FAM83D: variants seen among roughly 807,000 people sequenced by gnomAD.
FAM83D encodes the protein protein FAM83D.
In FAM83D, 26 loss-of-function variants were observed where a neutral mutation model predicts 25.4. The ratio of observed to expected loss-of-function variants is 1.02; its 90% CI spans 0.75 to 1.42. The LOEUF is 1.42. FAM83D is among the 40% of genes most tolerant of loss of function. The pLI, the probability that FAM83D is intolerant of heterozygous loss-of-function variation, is 0.00. For synonymous variants in FAM83D, 310 were observed against 318.5 expected (o/e 0.97, Z 0.28); for missense variants, 740 against 758.1 (o/e 0.98, Z 0.28).
At chr20:38,948,152 C>A in intron 3 of FAM83D, 152 bp downstream of exon 3, 1 of 957,666 alleles carries the variant, frequency 1.0e-6, no homozygotes. Context: ...GTTATCAAAG[C>A]CTCCTGTTAG....
chr20:38,949,882 A>G (rs2145808654), intron 3 of FAM83D, among the ~76,000 whole-genome samples: 1 of 151,234 alleles, frequency 6.6e-6, no homozygotes, highest in African/African-American at 2.4e-5. Context: ...GCAGTGGACG[A>G]TCTCGGCTCA....
At chr20:38,948,073 C>T (rs141492022) in intron 3 of FAM83D, 73 bp downstream of exon 3, 3 of 1,558,974 alleles carry the variant, frequency 1.9e-6, no homozygotes, top group Non-Finnish European at 2.6e-6. Flanking sequence ...AAGGTAAAAG[C>T]CTTTTCCTCT....
intron 2 of FAM83D, among the ~76,000 whole-genome samples, chr20:38,944,971 TC>T (rs915900197): frequency 6.0e-5 from 9 of 151,214 alleles, no homozygotes; most frequent in Admixed American, 2.0e-4. Context: ...TTCTCTGGCC[TC>T]CCCAGTTTTT....
At position 38,942,100 on chromosome 20, in the gene FAM83D, C is replaced by A. The variant is rs1403568531; in HGVS notation, c.625C>A (p.Leu209Met). The change falls in exon 2 of 4, where the codon CTG becomes ATG. Residue 209 changes from leucine (L) to methionine (M), a missense_variant. Transcript: ENST00000619850. ...LSQFLDMCMD[L>M]KVHPEQEKLM... ...TCAATTTCTGGATATGTGCATGGATCTGAAAGTTCATCCTGAACAGGAAAA... is the reference window on the plus strand; with the variant it reads ...TCAATTTCTGGATATGTGCATGGATATGAAAGTTCATCCTGAACAGGAAAA... 1 of 1,614,218 alleles carries A rather than the reference C, an allele frequency of 6.2e-7. No homozygotes were observed.
intron 1 of FAM83D, among the ~76,000 whole-genome samples, chr20:38,927,388 G>A (rs988078592): frequency 1.3e-5 from 2 of 152,066 alleles, no homozygotes; most frequent in Non-Finnish European, 2.9e-5. Flanking sequence ...CAACTACGGG[G>A]CATTAGGAAG....
rs1208119343 is a variant in FAM83D at position 38,951,999 on chromosome 20, AT to A, written c.1238del (p.Ile413ThrfsTer16). 1.2e-6 allele frequency: 2 copies of A among 1,614,098 alleles called. No individual in the cohort carries two copies. The highest frequency in any genetic ancestry group is 1.7e-6 in the Non-Finnish European group (2 of 1,180,050). ...SVSEVGTQTS[I>X]TTACAGTQTA... ...GAGTGAGGTGGGAACACAAACCAGC[AT>A]CACCACAGCATGTGCTGGTACCCAG... On this transcript the variant is annotated frameshift_variant, in exon 4 of 4. Transcript: ENST00000619850. LOFTEE classifies it low-confidence loss of function (END_TRUNC).
chr20:38,940,738 C>A (rs2085698301), intron 1 of FAM83D, among the ~76,000 whole-genome samples: 4 of 152,104 alleles, frequency 2.6e-5, no homozygotes, highest in Admixed American at 2.0e-4. Flanking sequence ...TTGCTGAGGA[C>A]CTTGGTTTTA....
At chr20:38,927,446 A>C (rs1040305707) in intron 1 of FAM83D, among the ~76,000 whole-genome samples, 2 of 151,684 alleles carry the variant, frequency 1.3e-5, no homozygotes, top group African/African-American at 4.8e-5. Flanking sequence ...TGTAAAAAGC[A>C]GATAAACACG....
chr20:38,949,369 A>G (rs1290099368), intron 3 of FAM83D, among the ~76,000 whole-genome samples: 1 of 152,118 alleles, frequency 6.6e-6, no homozygotes, highest in Non-Finnish European at 1.5e-5. Context: ...CACGTTGGCC[A>G]GGATGGTCTC....
chr20:38,952,319 C>T lies in FAM83D; in HGVS notation c.1557C>T (p.Tyr519=), dbSNP rs2085759714. 1 of 1,614,028 alleles carries T rather than the reference C, an allele frequency of 6.2e-7. No individual in the cohort carries two copies. Among genetic ancestry groups the T allele is most frequent in the Non-Finnish European group, 8.5e-7 (1 of 1,180,046 alleles). The change falls in exon 4 of 4, where the codon TAC becomes TAT. Residue 519 remains tyrosine, a synonymous_variant. Transcript: ENST00000619850. The stretch of plus-strand genomic sequence containing the variant: ...TGGGCACCCCCCACCTGGAACTGTA[C>T]TTGAGTGACTCACTTAGAAACTTGA... ...KYLGTPHLEL[Y]LSDSLRNLNK... is the part of the protein sequence containing the mutation.
At chr20:38,945,199 C>T (rs2085721695) in intron 2 of FAM83D, among the ~76,000 whole-genome samples, 1 of 152,116 alleles carries the variant, frequency 6.6e-6, no homozygotes, top group Non-Finnish European at 1.5e-5. Context: ...GCCACGATCA[C>T]AGAGGCATAT....
chr20:38,926,564 CGGGCGGCCCCGAAG>C lies in FAM83D; in HGVS notation c.123_136del (p.Gly42LeufsTer18). 6.4e-7 allele frequency: 1 copy of C among 1,566,510 alleles called. No homozygotes were observed. Among genetic ancestry groups the C allele is most frequent in the Non-Finnish European group, 8.6e-7 (1 of 1,163,358 alleles). ...CGCCTGGCTCTGGAGGAGCTGGTGG[CGGGCGGCCCCGAAG>C]CCTTCGCGGCCTTCCTGCGACGCGA... On this transcript the variant is annotated frameshift_variant, in exon 1 of 4. Transcript: ENST00000619850. LOFTEE classifies it high-confidence loss of function.
At chr20:38,941,901 G>A (rs758327329) in intron 1 of FAM83D, 58 bp from the exon 2 acceptor site, 82 of 1,550,014 alleles carry the variant, frequency 5.3e-5, no homozygotes, top group South Asian at 5.6e-5. Flanking sequence ...TCCAGAGAGC[G>A]TGCTGTAAGG....
chr20:38,952,231 C>T lies in FAM83D; in HGVS notation c.1469C>T (p.Ser490Phe), dbSNP rs1407254207. The T allele has an allele frequency of 6.2e-7, 1 of 1,614,190 alleles. No individual in the cohort carries two copies. Among genetic ancestry groups the T allele is most frequent in the South Asian group, 1.1e-5 (1 of 91,088 alleles). The change falls in exon 4 of 4, where the codon TCC becomes TTC. Residue 490 changes from serine to phenylalanine, a missense_variant. Coordinates refer to ENST00000619850, the MANE Select transcript of FAM83D (RefSeq NM_030919.3). Reference protein sequence around the residue: ...SVSSQGSVASSTGSPASIRTT... With the variant: ...SVSSQGSVASFTGSPASIRTT... ...TCTTCCCAAGGCTCTGTGGCAAGCT[C>T]CACTGGTTCTCCCGCTTCCATCAGA... is the stretch of plus-strand genomic sequence containing the variant.
Position 38,952,035 on chromosome 20 carries a change from A to G in FAM83D, c.1273A>G (p.Ile425Val), listed in dbSNP as rs763976204. The G allele has an allele frequency of 3.7e-6, 6 of 1,614,248 alleles. No individual in the cohort carries two copies. The highest frequency in any genetic ancestry group is 5.1e-6 in the Non-Finnish European group (6 of 1,180,044). Reference sequence around the variant, plus strand: ...ATGTGCTGGTACCCAGACTGCAGTCATCACCAGGATAGCAAGCTCTCAAAC... The same window carrying G: ...ATGTGCTGGTACCCAGACTGCAGTCGTCACCAGGATAGCAAGCTCTCAAAC... ...TACAGTQTAVITRIASSQTTI... is the reference protein window; with the variant it reads ...TACAGTQTAVVTRIASSQTTI... The change falls in exon 4 of 4, where the codon ATC becomes GTC. Residue 425 changes from isoleucine to valine, a missense_variant. Transcript: ENST00000619850.
At chr20:38,928,019 C>T (rs766074964) in intron 1 of FAM83D, among the ~76,000 whole-genome samples, 5 of 152,162 alleles carry the variant, frequency 3.3e-5, no homozygotes, top group Non-Finnish European at 7.3e-5. Flanking sequence ...TTGCCAGCCT[C>T]GATAAAGCTG....
chr20:38,946,876 A>C (rs1245385432), intron 2 of FAM83D, among the ~76,000 whole-genome samples: 1 of 152,106 alleles, frequency 6.6e-6, no homozygotes, highest in Non-Finnish European at 1.5e-5. Flanking sequence ...ACATGTGTAG[A>C]GGTTTTGTGT....
In FAM83D at chr20:38,951,708, A is replaced by C. The variant is rs779813959; in HGVS notation, c.946A>C (p.Asn316His). Residue 316 changes from asparagine to histidine, a missense_variant, in exon 4 of 4, where the codon AAC becomes CAC. By Grantham distance (68) the Asn-to-His change is moderately conservative. Around this residue, in one of 3 missense-constraint regions of FAM83D, gnomAD observed 375 missense variants for 403.2 expected, o/e 0.93. Coordinates refer to ENST00000619850, the MANE Select transcript of FAM83D (RefSeq NM_030919.3). ...QSSNKFDHLT[N>H]RKPQSKELTL... ...CAGCAACAAGTTTGATCACCTCACC[A>C]ACCGAAAACCACAGTCCAAGGAGCT... 2.2e-5 allele frequency: 35 copies of C among 1,614,130 alleles called. 1 individual carries two copies. The South Asian group carries it at 3.5e-4, about 16-fold the overall frequency.
chr20:38,929,839 C>T (rs1267800023), intron 1 of FAM83D, among the ~76,000 whole-genome samples: 1 of 151,032 alleles, frequency 6.6e-6, no homozygotes, highest in Non-Finnish European at 1.5e-5. Context: ...AGGCACTGTT[C>T]TAGGTGATCC....
Sources: allele counts gnomAD v4.1 joint callset (sites outside exome capture counted in the v4.1 genomes callset), GRCh38; gene constraint gnomAD v4.1.1; regional missense constraint gnomAD v4.1.1; transcripts MANE v1.5; gene names NCBI Gene and HGNC (gene_info 2026-07-23, HGNC 2026-07-21).